MYH10: variants seen among roughly 807,000 people sequenced by gnomAD.
MYH10 encodes myosin heavy chain 10.
MYH10 carries 55 observed loss-of-function variants against 257.8 expected under a neutral mutation model. The ratio of observed to expected loss-of-function variants is 0.21; its 90% CI spans 0.17 to 0.27. The LOEUF is 0.27. Among genes scored for constraint, MYH10 ranks in the 10% least tolerant of loss-of-function variants. The pLI is 1.00. For synonymous variants in MYH10, 854 were observed against 921.7 expected, an observed-to-expected ratio of 0.93 and a Z score of 1.33; for missense variants, 1,631 against 2,500.6, an observed-to-expected ratio of 0.65 and a Z score of 7.42.
chr17:8,534,086 T>C, intron 16 of MYH10, among the ~76,000 whole-genome samples: 1 of 152,158 alleles, frequency 6.6e-6, no homozygotes. Flanking sequence ...ATCCCACTCT[T>C]AACACTGCCT....
At chr17:8,523,979 G>A (rs1251005378) in intron 17 of MYH10, among the ~76,000 whole-genome samples, 2 of 152,156 alleles carry the variant, frequency 1.3e-5, no homozygotes, top group African/African-American at 2.4e-5. Flanking sequence ...CTTCGAAGTG[G>A]AAGAGAAATG....
Position 8,487,429 on chromosome 17 carries a change from A to G in MYH10, c.5046+4T>C. ...CCAGAGACTCCATGGGTGAAGGCAC[A>G]TACCTGGAGCTTGCGGAGCTGCTTA... On this transcript the variant is annotated splice_donor_region_variant and intron_variant, in intron 36 of 42. Coordinates refer to ENST00000360416, the MANE Select transcript of MYH10 (RefSeq NM_001256012.3). 6.2e-7 allele frequency: 1 copy of G among 1,614,052 alleles called. No homozygotes were observed. The highest frequency in any genetic ancestry group is 1.1e-5 in the South Asian group (1 of 91,074).
At position 8,518,550 on chromosome 17, in the gene MYH10, T is replaced by C. The variant is rs1271259196; in HGVS notation, c.2504+81A>G. The C allele has an allele frequency of 3.4e-6, 5 of 1,457,058 alleles. No homozygotes were observed. In the East Asian group the frequency reaches 9.0e-5, roughly 26 times the overall value. The allele number at this position is 1,457,058 out of a possible 1,614,324, so 90.3% of individuals were successfully genotyped here. On this transcript the variant is annotated intron_variant, in intron 21 of 42. Coordinates refer to ENST00000360416, the MANE Select transcript of MYH10 (RefSeq NM_001256012.3). Reference sequence around the variant, plus strand: ...AGGACAGACTATGTCTCACACACTCTTGCACCCCAGGTCAAAATGCAATGC... The same window carrying C: ...AGGACAGACTATGTCTCACACACTCCTGCACCCCAGGTCAAAATGCAATGC...
chr17:8,615,048 C>A (rs1258269230), intron 2 of MYH10, among the ~76,000 whole-genome samples: 3 of 152,170 alleles, frequency 2.0e-5, no homozygotes, highest in Non-Finnish European at 4.4e-5. Context: ...AATCCCAACA[C>A]TTTGGGAGGT....
intron 1 of MYH10, among the ~76,000 whole-genome samples, chr17:8,627,762 T>C (rs989558394): frequency 6.6e-6 from 1 of 152,208 alleles, no homozygotes; most frequent in African/African-American, 2.4e-5. Context: ...GCAGATACCA[T>C]TGTCATATAT....
intron 29 of MYH10, among the ~76,000 whole-genome samples, 187 bp from the exon 30 acceptor site, chr17:8,499,663 G>A (rs1284988460): frequency 6.6e-6 from 1 of 152,156 alleles, no homozygotes; most frequent in African/African-American, 2.4e-5. Flanking sequence ...GAACACACGC[G>A]TACACACTGC....
At chr17:8,514,882 G>A (rs2081414511) in intron 21 of MYH10, among the ~76,000 whole-genome samples, 1 of 152,044 alleles carries the variant, frequency 6.6e-6, no homozygotes, top group Non-Finnish European at 1.5e-5. Flanking sequence ...CCAAGTGCCT[G>A]GCACGCTGCA....
intron 42 of MYH10, among the ~76,000 whole-genome samples, chr17:8,476,421 C>T (rs141520448): frequency 2.0e-4 from 31 of 152,330 alleles, no homozygotes; most frequent in African/African-American, 6.5e-4. Flanking sequence ...AAACCTCCGC[C>T]GACCTGGTCT....
chr17:8,557,405 G>A (rs1485373216), intron 7 of MYH10, among the ~76,000 whole-genome samples: 1 of 152,124 alleles, frequency 6.6e-6, no homozygotes. Context: ...CCTGCTTGAG[G>A]AGGAACAAAC....
At position 8,569,863 on chromosome 17, in the gene MYH10, T is replaced by C. The variant is rs1262099276; in HGVS notation, c.664-51A>G. 5.0e-6 allele frequency: 7 copies of C among 1,386,916 alleles called. No individual in the cohort carries two copies. The highest frequency in any genetic ancestry group is 4.1e-5 in the Admixed American group (2 of 49,350). The allele number at this position is 1,386,916 out of a possible 1,614,324, so 85.9% of individuals were successfully genotyped here. A position where few individuals can be genotyped will look rare whatever the true frequency, so the allele number is the denominator to read the frequency against. ...TAAAAGCAGATGTACGTTAATCTAA[T>C]GTCTTTACTCAAGTCATCAGGGGAA... On this transcript the variant is annotated intron_variant, in intron 6 of 42. Coordinates refer to ENST00000360416, the MANE Select transcript of MYH10 (RefSeq NM_001256012.3). This position sits in a 1 kb window ranked among gnomAD's most constrained non-coding sequence, Gnocchi z 4.1.
At chr17:8,520,853 C>CA (rs2081629971) in intron 19 of MYH10, 25 bp downstream of exon 19, 2 of 1,580,194 alleles carry the variant, frequency 1.3e-6, no homozygotes, top group Non-Finnish European at 8.6e-7. Flanking sequence ...GATACATAAG[C>CA]AAAAAAAGTA....
chr17:8,488,600 T>A (rs1479835002), intron 35 of MYH10, among the ~76,000 whole-genome samples: 18 of 152,172 alleles, frequency 1.2e-4, no homozygotes, highest in Admixed American at 1.2e-3. Context: ...TTCACAACCT[T>A]CCGCTTCCTG....
At chr17:8,520,744 C>T in intron 19 of MYH10, 134 bp downstream of exon 19, 1 of 946,910 alleles carries the variant, frequency 1.1e-6, no homozygotes, top group Non-Finnish European at 1.5e-6. Context: ...TCCAGAACCT[C>T]ACTATATGTT....
chr17:8,497,784 G>C (rs1449353247), intron 30 of MYH10, among the ~76,000 whole-genome samples: 1 of 144,942 alleles, frequency 6.9e-6, no homozygotes, highest in Non-Finnish European at 1.5e-5. Flanking sequence ...AAAAACCCCT[G>C]CATGTGCACT....
chr17:8,531,224 T>C (rs1315906957), intron 16 of MYH10, among the ~76,000 whole-genome samples: 1 of 152,126 alleles, frequency 6.6e-6, no homozygotes, highest in Non-Finnish European at 1.5e-5. Context: ...GAAAACAAAA[T>C]TCAAGTTCTG....
intron 7 of MYH10, chr17:8,560,502 T>C (rs1162472122): frequency 1.8e-6 from 1 of 542,046 alleles, no homozygotes; most frequent in Non-Finnish European, 3.4e-6. Flanking sequence ...TTGACATCAT[T>C]GTTGATGGTA....
chr17:8,490,587 G>C lies in MYH10; in HGVS notation c.4672-35C>G. On this transcript the variant is annotated intron_variant, in intron 34 of 42. Transcript: ENST00000360416. The surrounding 1 kb of genome is among the most constrained non-coding windows in gnomAD (Gnocchi z 4.1). ...CGAAGCATCAGGAAAGAGTTGACCG[G>C]GGTGGAGGCACATATGAAGAACAGC... is the stretch of plus-strand genomic sequence containing the variant. 6.3e-7 allele frequency: 1 copy of C among 1,594,322 alleles called. No homozygotes were observed. Among genetic ancestry groups the C allele is most frequent in the Non-Finnish European group, 8.6e-7 (1 of 1,162,236 alleles).
At chr17:8,614,001 A>T (rs1217365649) in intron 2 of MYH10, among the ~76,000 whole-genome samples, 1 of 152,242 alleles carries the variant, frequency 6.6e-6, no homozygotes, top group Non-Finnish European at 1.5e-5. Context: ...TGCCAGAAAG[A>T]CATCAAATTT....
rs185618923 is a variant in MYH10 at position 8,496,275 on chromosome 17, G to A, written c.3952-1034C>T. ...TCGTCACACCGGCCAAGGGAGAGTGGACGGTGGCACAGCCACAGCAGAGCA... is the reference window on the plus strand; with the variant it reads ...TCGTCACACCGGCCAAGGGAGAGTGAACGGTGGCACAGCCACAGCAGAGCA... On this transcript the variant is annotated intron_variant, in intron 30 of 42. Coordinates refer to ENST00000360416, the MANE Select transcript of MYH10 (RefSeq NM_001256012.3). Among the ~76,000 whole-genome samples, 23 of 152,338 alleles carry A rather than the reference G, an allele frequency of 1.5e-4. 1 individual carries two copies. The East Asian group carries it at 3.9e-3, about 26-fold the overall frequency.
Sources: allele counts gnomAD v4.1 joint callset (sites outside exome capture counted in the v4.1 genomes callset), GRCh38; gene constraint gnomAD v4.1.1; non-coding constraint Gnocchi (gnomAD v3.1); transcripts MANE v1.5; gene names NCBI Gene and HGNC (gene_info 2026-07-23, HGNC 2026-07-21).